RSPH14: variants seen among roughly 807,000 people sequenced by gnomAD.
RSPH14 encodes the protein radial spoke head 14 homolog.
Under a neutral mutation model 26.7 loss-of-function variants are expected in RSPH14, and 20 were observed. The observed-to-expected ratio is 0.75, with a 90% confidence interval of 0.53 to 1.09. The LOEUF (loss-of-function observed/expected upper bound fraction) is 1.09. Among genes scored for constraint, RSPH14 ranks in the 50% least tolerant of loss-of-function variants. The pLI is 0.00. For missense variants in RSPH14, 449 were observed against 457.2 expected, an observed-to-expected ratio of 0.98 and a Z score of 0.16; for synonymous variants, 177 against 189.3, an observed-to-expected ratio of 0.93 and a Z score of 0.53.
chr22:23,178,029 G>A, the RSPH14 span, among the ~76,000 whole-genome samples: 1 of 152,124 alleles, frequency 6.6e-6, no homozygotes, highest in African/African-American at 2.4e-5. Context: ...TTGAACTCCT[G>A]GGCTCAAGCG....
At chr22:23,114,067 C>G (rs949245318) in intron 4 of RSPH14, among the ~76,000 whole-genome samples, 4 of 152,318 alleles carry the variant, frequency 2.6e-5, no homozygotes, top group South Asian at 2.1e-4. Context: ...TGAAGCTCAT[C>G]TCTGTATGAA....
the RSPH14 span, among the ~76,000 whole-genome samples, chr22:23,151,931 T>G: frequency 6.6e-6 from 1 of 152,148 alleles, no homozygotes; most frequent in Non-Finnish European, 1.5e-5. Context: ...GATCTCTAAG[T>G]GAGCAGGGCA....
At chr22:23,123,495 G>C in intron 4 of RSPH14, 1 of 1,061,368 alleles carries the variant, frequency 9.4e-7, no homozygotes, top group South Asian at 1.4e-5. Context: ...CCCAACGCGT[G>C]CTAGAGAGGC....
chr22:23,127,696 G>T (rs531561855), intron 4 of RSPH14, among the ~76,000 whole-genome samples: 5 of 152,320 alleles, frequency 3.3e-5, no homozygotes, highest in African/African-American at 1.2e-4. Context: ...GGGTTCAGAT[G>T]ACATTGGGTG....
At chr22:23,064,975 G>A (rs186775970) in intron 4 of RSPH14, among the ~76,000 whole-genome samples, 82 of 152,290 alleles carry the variant, frequency 5.4e-4, no homozygotes, top group Non-Finnish European at 9.7e-4. Flanking sequence ...GAAGCACAGG[G>A]AATGTGCACA....
At chr22:23,138,303 T>C (rs1451167943) in intron 3 of RSPH14, among the ~76,000 whole-genome samples, 1 of 152,224 alleles carries the variant, frequency 6.6e-6, no homozygotes, top group East Asian at 1.9e-4. Context: ...GGCTCATGCC[T>C]GTAATCCCAG....
intron 6 of RSPH14, among the ~76,000 whole-genome samples, chr22:23,060,174 T>TA (rs369183540): frequency 6.6e-6 from 1 of 151,870 alleles, no homozygotes; most frequent in Non-Finnish European, 1.5e-5. Flanking sequence ...ACTGGCTCTT[T>TA]AAAAAAAGTA....
At chr22:23,153,008 GT>G in the RSPH14 span, 1 of 1,563,318 alleles carries the variant, frequency 6.4e-7, no homozygotes, top group Non-Finnish European at 8.8e-7. Context: ...GTACACCCCT[GT>G]GACGACTTCC....
intron 4 of RSPH14, among the ~76,000 whole-genome samples, chr22:23,115,022 C>T (rs2069782955): frequency 6.6e-6 from 1 of 152,182 alleles, no homozygotes; most frequent in African/African-American, 2.4e-5. Context: ...GAGCTGAAAC[C>T]TTAATGTCAC....
chr22:23,156,203 A>C, the RSPH14 span: 1 of 591,618 alleles, frequency 1.7e-6, no homozygotes, highest in Non-Finnish European at 3.0e-6. Flanking sequence ...CTTCATCCCC[A>C]GGCACTGGCT....
chr22:23,136,926 G>A lies in RSPH14; in HGVS notation c.302+1914C>T, dbSNP rs1249568198. Among the ~76,000 whole-genome samples the A allele has an allele frequency of 4.3e-5, 6 of 138,864 alleles. 2 individuals carry two copies. The highest frequency in any genetic ancestry group is 1.5e-4 in the African/African-American group (6 of 38,990). The allele number at this position is 138,864 out of a possible 152,430, so 91.1% of individuals were successfully genotyped here. On this transcript the variant is annotated intron_variant, in intron 3 of 6. Transcript: ENST00000216036. The stretch of plus-strand genomic sequence containing the variant: ...TTAGGATTGTTGCCCAGATCACAGA[G>A]CAGGAAAGAGTGGGCCCCCCAAAAG...
chr22:23,071,185 A>G lies in RSPH14; in HGVS notation c.422-7052T>C, dbSNP rs1309716913. On this transcript the variant is annotated intron_variant, in intron 4 of 6. Coordinates refer to ENST00000216036, the MANE Select transcript of RSPH14 (RefSeq NM_014433.3). This position sits in a 1 kb window ranked among gnomAD's most constrained non-coding sequence, Gnocchi z 4.1. ...TGCGATTGTAATACGTTCCCGGCTCAATATTTTTTCCCTTAAAAGGCGGTG... is the reference window on the plus strand; with the variant it reads ...TGCGATTGTAATACGTTCCCGGCTCGATATTTTTTCCCTTAAAAGGCGGTG... 6.6e-6 allele frequency among the ~76,000 whole-genome samples: 1 copy of G among 152,140 alleles called. No homozygotes were observed. Among genetic ancestry groups the G allele is most frequent in the Non-Finnish European group, 1.5e-5 (1 of 68,014 alleles).
chr22:23,077,005 A>C (rs1015455052), intron 4 of RSPH14, among the ~76,000 whole-genome samples: 2 of 152,078 alleles, frequency 1.3e-5, no homozygotes, highest in African/African-American at 2.4e-5. Flanking sequence ...TCCTTATCTC[A>C]ACTCTGGAGT....
the RSPH14 span, among the ~76,000 whole-genome samples, chr22:23,172,351 G>C: frequency 6.7e-6 from 1 of 148,472 alleles, no homozygotes; most frequent in East Asian, 2.0e-4. Context: ...GGGAGGTGGA[G>C]GTTGCTGTGA....
chr22:23,154,386 T>G, the RSPH14 span, among the ~76,000 whole-genome samples: 2 of 152,202 alleles, frequency 1.3e-5, no homozygotes, highest in East Asian at 3.9e-4. Context: ...TAGTGCCCCC[T>G]TCTCTCAGGA....
intron 4 of RSPH14, among the ~76,000 whole-genome samples, chr22:23,106,069 C>T (rs948970488): frequency 6.6e-6 from 1 of 152,204 alleles, no homozygotes; most frequent in Non-Finnish European, 1.5e-5. Context: ...GACTGGGAGT[C>T]TTTGAGCATT....
At chr22:23,161,710 G>A in the RSPH14 span, 21 of 688,748 alleles carry the variant, frequency 3.0e-5, no homozygotes, top group African/African-American at 7.2e-5. Context: ...CCCACCCACC[G>A]GGCTCAGCTC....
At chr22:23,104,687 G>A (rs2069408458) in intron 4 of RSPH14, among the ~76,000 whole-genome samples, 1 of 152,148 alleles carries the variant, frequency 6.6e-6, no homozygotes, top group African/African-American at 2.4e-5. Flanking sequence ...TTGCTGACTT[G>A]GGGATCCCTA....
upstream of RSPH14, among the ~76,000 whole-genome samples, chr22:23,149,661 CTCAGTA>C (rs1163218082): frequency 6.6e-6 from 1 of 152,218 alleles, no homozygotes. Context: ...CCTCAGCCTC[CTCAGTA>C]TCTAGGACCA....
Sources: allele counts gnomAD v4.1 joint callset (sites outside exome capture counted in the v4.1 genomes callset), GRCh38; gene constraint gnomAD v4.1.1; non-coding constraint Gnocchi (gnomAD v3.1); transcripts MANE v1.5; gene names NCBI Gene and HGNC (gene_info 2026-07-23, HGNC 2026-07-21).